Variants in PTPN9 observed in about 807,000 individuals in gnomAD.
PTPN9 encodes tyrosine-protein phosphatase non-receptor type 9.
Under a neutral mutation model 69.8 loss-of-function variants are expected in PTPN9, and 26 were observed. That is an observed-to-expected ratio of 0.37 (90% CI 0.27 to 0.52). PTPN9 has a LOEUF of 0.52. Ranked by LOEUF, PTPN9 falls within the 20% of genes least tolerant of loss-of-function variation. The probability of loss-of-function intolerance (pLI) is 0.91; values close to 1 mark genes in which losing one functional copy is unlikely to be tolerated. For missense variants in PTPN9, 549 were observed against 740.3 expected, an observed-to-expected ratio of 0.74 and a Z score of 3.00; for synonymous variants, 274 against 272.5, an observed-to-expected ratio of 1.01 and a Z score of -0.05.
intron 1 of PTPN9, among the ~76,000 whole-genome samples, chr15:75,564,051 A>G (rs977040932): frequency 6.6e-6 from 1 of 152,212 alleles, no homozygotes; most frequent in African/African-American, 2.4e-5. Flanking sequence ...AAACATCACA[A>G]TATGTATAAT....
intron 7 of PTPN9, among the ~76,000 whole-genome samples, chr15:75,499,273 CAT>C (rs917803773): frequency 3.3e-5 from 5 of 151,852 alleles, no homozygotes; most frequent in Non-Finnish European, 7.4e-5. Context: ...GGTTCTAAAT[CAT>C]AAAGTGGGGA....
In PTPN9 at chr15:75,577,130, A is replaced by T. The variant is rs180869314; in HGVS notation, c.63+1584T>A. On this transcript the variant is annotated intron_variant, in intron 1 of 12. Transcript: ENST00000618819. Reference sequence around the variant, plus strand: ...TTACTAGTTAAACACATCTGTATATATGTGTATGCACTATGTACAAAGTAA... The same window carrying T: ...TTACTAGTTAAACACATCTGTATATTTGTGTATGCACTATGTACAAAGTAA... Among the ~76,000 whole-genome samples, 71 of 152,334 alleles carry T rather than the reference A, an allele frequency of 4.7e-4. 2 individuals carry two copies. The East Asian group carries it at 0.012, about 25-fold the overall frequency.
At chr15:75,511,987 C>T (rs898613939) in intron 5 of PTPN9, among the ~76,000 whole-genome samples, 4 of 151,834 alleles carry the variant, frequency 2.6e-5, no homozygotes, top group Admixed American at 6.6e-5. Flanking sequence ...GGATTACGGG[C>T]GTGTGCCATC....
At chr15:75,514,085 T>G in intron 5 of PTPN9, among the ~76,000 whole-genome samples, 1 of 116,534 alleles carries the variant, frequency 8.6e-6, no homozygotes, top group Non-Finnish European at 1.7e-5. Flanking sequence ...GGCAAAAGAG[T>G]GAAACACTCT....
chr15:75,569,683 CAA>C (rs747748643), intron 1 of PTPN9, among the ~76,000 whole-genome samples: 78 of 55,006 alleles, frequency 1.4e-3, no homozygotes, highest in African/African-American at 3.3e-3. Flanking sequence ...AACTCCATCT[CAA>C]AAAAAAAAAA....
intron 7 of PTPN9, among the ~76,000 whole-genome samples, chr15:75,504,035 C>A (rs796449935): frequency 1.6e-5 from 1 of 63,380 alleles, no homozygotes; most frequent in South Asian, 5.7e-4. Context: ...AGGTGGGGGG[C>A]TCAGCCCCCC....
intron 8 of PTPN9, among the ~76,000 whole-genome samples, chr15:75,482,337 G>T (rs568883827): frequency 0.011 from 1,644 of 152,248 alleles, 18 homozygotes; most frequent in African/African-American, 0.037. Context: ...AGGCCGAGGC[G>T]GGCGGATGAC....
intron 12 of PTPN9, 63 bp from the exon 13 acceptor site, chr15:75,469,046 T>C (rs965144068): frequency 7.1e-7 from 1 of 1,417,610 alleles, no homozygotes; most frequent in Non-Finnish European, 9.7e-7. Context: ...CTCTACCAAA[T>C]AACCCAGGCA....
At chr15:75,469,121 G>T in intron 12 of PTPN9, 138 bp from the exon 13 acceptor site, 1 of 733,442 alleles carries the variant, frequency 1.4e-6, no homozygotes, top group Non-Finnish European at 2.2e-6. Flanking sequence ...CCTTAGGCCT[G>T]AAAGGACTCA....
chr15:75,535,883 C>T (rs2074980600), intron 1 of PTPN9, among the ~76,000 whole-genome samples: 2 of 152,156 alleles, frequency 1.3e-5, no homozygotes, highest in South Asian at 4.1e-4. Flanking sequence ...ACTAAAACTA[C>T]GATTTTTCCA....
At chr15:75,503,701 A>G (rs1484079740) in intron 7 of PTPN9, among the ~76,000 whole-genome samples, 569 of 59,664 alleles carry the variant, frequency 9.5e-3, no homozygotes, top group Admixed American at 0.018. Context: ...CTGGCCAGCC[A>G]CCCCGTCCGG....
intron 10 of PTPN9, 126 bp downstream of exon 10, chr15:75,473,563 T>G: frequency 1.2e-6 from 1 of 815,522 alleles, no homozygotes; most frequent in Non-Finnish European, 2.0e-6. Flanking sequence ...GTGCTGGGAT[T>G]ACAGGCGTGA....
intron 8 of PTPN9, among the ~76,000 whole-genome samples, chr15:75,484,846 T>C (rs1354931863): frequency 1.3e-5 from 2 of 152,218 alleles, no homozygotes; most frequent in Non-Finnish European, 2.9e-5. Context: ...GAACTGTCAG[T>C]ATCCCATAGC....
chr15:75,496,498 C>CT (rs34799690), intron 7 of PTPN9, among the ~76,000 whole-genome samples: 139 of 146,728 alleles, frequency 9.5e-4, no homozygotes, highest in Admixed American at 2.3e-3. Context: ...GTATTATTAA[C>CT]TTTTTTTTTT....
chr15:75,573,076 T>A (rs1051015004), intron 1 of PTPN9, among the ~76,000 whole-genome samples: 1 of 152,184 alleles, frequency 6.6e-6, no homozygotes, highest in Non-Finnish European at 1.5e-5. Context: ...GTAAATTGGC[T>A]AATGGCTTCA....
At chr15:75,493,755 C>T (rs1046632129) in intron 7 of PTPN9, among the ~76,000 whole-genome samples, 1 of 151,190 alleles carries the variant, frequency 6.6e-6, no homozygotes, top group Non-Finnish European at 1.5e-5. Context: ...AGCGAGACTC[C>T]GTCTCATTAA....
At chr15:75,572,143 G>A (rs758940519) in intron 1 of PTPN9, among the ~76,000 whole-genome samples, 3 of 151,884 alleles carry the variant, frequency 2.0e-5, no homozygotes, top group Non-Finnish European at 2.9e-5. Flanking sequence ...ACCAGCATGG[G>A]CAACATGGTG....
At chr15:75,578,639 C>T in intron 1 of PTPN9, 75 bp downstream of exon 1, 2 of 1,172,952 alleles carry the variant, frequency 1.7e-6, no homozygotes, top group Non-Finnish European at 2.2e-6. Context: ...AAAGAGCCGG[C>T]ACTCGGGAGG....
chr15:75,497,509 G>T (rs1176220018), intron 7 of PTPN9, among the ~76,000 whole-genome samples: 1 of 152,020 alleles, frequency 6.6e-6, no homozygotes, highest in East Asian at 1.9e-4. Context: ...CTCTTAAAAA[G>T]AAAGAAAAAG....
Sources: gnomAD v4.1 joint callset for allele counts (sites outside exome capture counted in the v4.1 genomes callset) on GRCh38, gnomAD v4.1.1 for gene constraint, MANE v1.5 for transcripts, NCBI Gene and HGNC (gene_info 2026-07-23, HGNC 2026-07-21) for gene names.